SGCE: variants seen among roughly 807,000 people sequenced by gnomAD.
The protein encoded by SGCE is epsilon-sarcoglycan.
Under a neutral mutation model 57.8 loss-of-function variants are expected in SGCE, and 26 were observed. The ratio of observed to expected loss-of-function variants is 0.45; its 90% CI spans 0.33 to 0.62. The LOEUF is 0.62. SGCE is among the 20% of genes least tolerant of loss of function. The pLI is 0.02. For missense variants in SGCE, 468 were observed against 548.6 expected (o/e 0.85, Z 1.47); for synonymous variants, 183 against 189.5 (o/e 0.97, Z 0.28).
Position 94,604,352 on chromosome 7 carries a change from G to A in SGCE, c.663-900C>T, listed in dbSNP as rs139474067. Among the ~76,000 whole-genome samples the A allele has an allele frequency of 2.0e-5, 3 of 151,944 alleles. No homozygotes were observed. In the East Asian group the frequency reaches 5.8e-4, roughly 29 times the overall value. On this transcript the variant is annotated intron_variant, in intron 5 of 10. Coordinates refer to ENST00000648936, the MANE Select transcript of SGCE (RefSeq NM_003919.3). ...CATCAAAATTCTAGCTGCCTTCTTT[G>A]CAGAAGTTGACTAACTGATCCTAAA...
chr7:94,639,266 A>G (rs1041177974), intron 1 of SGCE: 10 of 934,098 alleles, frequency 1.1e-5, no homozygotes, highest in African/African-American at 3.3e-5. Flanking sequence ...CATGACTAAA[A>G]AAGGGAAGAG....
chr7:94,614,299 A>G (rs1000388964), intron 5 of SGCE, among the ~76,000 whole-genome samples: 8 of 152,088 alleles, frequency 5.3e-5, no homozygotes, highest in South Asian at 2.1e-4. Context: ...TGGGTCCCCT[A>G]AAATCCCAGC....
chr7:94,652,381 T>G (rs1017712761), intron 1 of SGCE, among the ~76,000 whole-genome samples: 5 of 152,148 alleles, frequency 3.3e-5, no homozygotes, highest in African/African-American at 1.2e-4. Context: ...GGCTGGGTAT[T>G]TTGGAGAAAA....
chr7:94,628,236 G>T lies in SGCE; in HGVS notation c.356C>A (p.Thr119Lys), dbSNP rs766764222. 1.2e-6 allele frequency: 2 copies of T among 1,611,774 alleles called. No homozygotes were observed. The highest frequency in any genetic ancestry group is 1.1e-5 in the South Asian group (1 of 90,968). ...TGTTGGCTTCCCCACATTTTCAGCTGTTGGGGACCCATATAGGACTCCATC... is the reference window on the plus strand; with the variant it reads ...TGTTGGCTTCCCCACATTTTCAGCTTTTGGGGACCCATATAGGACTCCATC... ...YSDGVLYGSP[T>K]AENVGKPTII... is the part of the protein sequence containing the mutation. Residue 119 changes from threonine to lysine, a missense_variant, in exon 3 of 11, where the codon ACA becomes AAA. Thr to Lys is a moderately conservative substitution (Grantham distance 78). Transcript: ENST00000648936.
At chr7:94,599,536 C>A in intron 8 of SGCE, 161 bp downstream of exon 8, 1 of 639,402 alleles carries the variant, frequency 1.6e-6, no homozygotes, top group East Asian at 2.7e-5. Context: ...AGTTTCTACC[C>A]CTCCTAAATA....
chr7:94,645,483 T>C (rs1427307372), intron 1 of SGCE, among the ~76,000 whole-genome samples: 4 of 151,948 alleles, frequency 2.6e-5, no homozygotes, highest in Non-Finnish European at 4.4e-5. Context: ...CTGAAAGGAG[T>C]TGGGAAAAGA....
chr7:94,604,346 T>G (rs1436667253), intron 5 of SGCE, among the ~76,000 whole-genome samples: 1 of 152,010 alleles, frequency 6.6e-6, no homozygotes, highest in African/African-American at 2.4e-5. Flanking sequence ...TCTAGCTGCC[T>G]TCTTTGCAGA....
At chr7:94,594,959 C>T (rs1798184349) in intron 9 of SGCE, among the ~76,000 whole-genome samples, 2 of 152,206 alleles carry the variant, frequency 1.3e-5, no homozygotes, top group South Asian at 4.2e-4. Context: ...CTTCCCTGTC[C>T]ACTGCCTCTT....
At chr7:94,594,812 C>G (rs1048302015) in intron 9 of SGCE, among the ~76,000 whole-genome samples, 8 of 152,082 alleles carry the variant, frequency 5.3e-5, no homozygotes, top group South Asian at 2.1e-4. Context: ...ATTAAGTTGG[C>G]CTTACATTTC....
chr7:94,649,162 A>C (rs1201935496), intron 1 of SGCE, among the ~76,000 whole-genome samples: 1 of 152,252 alleles, frequency 6.6e-6, no homozygotes, highest in Non-Finnish European at 1.5e-5. Flanking sequence ...ACAAAGTGAA[A>C]TGTGCTAAAC....
intron 5 of SGCE, among the ~76,000 whole-genome samples, chr7:94,616,582 T>C (rs907341186): frequency 2.6e-5 from 4 of 152,154 alleles, no homozygotes; most frequent in African/African-American, 9.7e-5. Flanking sequence ...AGAAAGCATA[T>C]TAAGTGAATT....
chr7:94,636,546 G>A (rs1805612269), intron 1 of SGCE, among the ~76,000 whole-genome samples: 1 of 152,174 alleles, frequency 6.6e-6, no homozygotes. Flanking sequence ...AAGGAAGAGT[G>A]GGTGTGTCAA....
chr7:94,637,412 C>A (rs1584736734), intron 1 of SGCE, among the ~76,000 whole-genome samples: 1 of 152,098 alleles, frequency 6.6e-6, no homozygotes, highest in Admixed American at 6.5e-5. Flanking sequence ...TCAAGCTAAA[C>A]TGAAGAAATA....
At chr7:94,623,556 C>A in intron 3 of SGCE, 159 bp from the exon 4 acceptor site, 1 of 606,554 alleles carries the variant, frequency 1.6e-6, no homozygotes. Flanking sequence ...GAACTCAGAG[C>A]TTTTAGCAAT....
At position 94,614,883 on chromosome 7, in the gene SGCE, A is replaced by G. The variant is rs182577409; in HGVS notation, c.662+3875T>C. Among the ~76,000 whole-genome samples the G allele has an allele frequency of 7.2e-5, 11 of 152,356 alleles. No homozygotes were observed. The East Asian group carries it at 1.7e-3, about 24-fold the overall frequency. Reference sequence around the variant, plus strand: ...ACATTAAACTATGAAAGAAAAAATGATAGAACTCAGAAGAGTAGATATTAA... The same window carrying G: ...ACATTAAACTATGAAAGAAAAAATGGTAGAACTCAGAAGAGTAGATATTAA... On this transcript the variant is annotated intron_variant, in intron 5 of 10. Coordinates refer to ENST00000648936, the MANE Select transcript of SGCE (RefSeq NM_003919.3).
In SGCE at chr7:94,599,715, C is replaced by T. The variant is rs1798921521; in HGVS notation, c.1046G>A (p.Arg349Lys). Residue 349 changes from arginine (R) to lysine (K), a missense_variant, in exon 8 of 11, where the codon AGA becomes AAA. Coordinates refer to ENST00000648936, the MANE Select transcript of SGCE (RefSeq NM_003919.3). Reference protein sequence around the residue: ...MCCRREGVEKRNMQTPDIQLV... With the variant: ...MCCRREGVEKKNMQTPDIQLV... ...CACTTACTCTGGTGTTTGCATGTTT[C>T]TCTTTTCCCTAGAAACAAAACAAAA... 1 of 1,608,060 alleles carries T rather than the reference C, an allele frequency of 6.2e-7. No individual in the cohort carries two copies. Among genetic ancestry groups the T allele is most frequent in the South Asian group, 1.1e-5 (1 of 90,960 alleles).
intron 10 of SGCE, chr7:94,587,605 GTTCC>G (rs1797074927): frequency 7.2e-7 from 1 of 1,381,580 alleles, no homozygotes; most frequent in Non-Finnish European, 9.3e-7. Context: ...AACAAAGTTT[GTTCC>G]TTCATCAATC....
At chr7:94,633,985 A>G (rs147103554) in intron 1 of SGCE, among the ~76,000 whole-genome samples, 178 of 152,274 alleles carry the variant, frequency 1.2e-3, no homozygotes, top group African/African-American at 4.1e-3. Context: ...TAAAATAACA[A>G]CTGAGTATAA....
At chr7:94,603,718 C>T (rs1174751668) in intron 5 of SGCE, among the ~76,000 whole-genome samples, 2 of 152,012 alleles carry the variant, frequency 1.3e-5, no homozygotes, top group African/African-American at 4.8e-5. Flanking sequence ...TATTTCATCC[C>T]ATTTATTTTC....
Sources: gnomAD v4.1 joint callset for allele counts (sites outside exome capture counted in the v4.1 genomes callset) on GRCh38, gnomAD v4.1.1 for gene constraint, MANE v1.5 for transcripts, NCBI Gene and HGNC (gene_info 2026-07-23, HGNC 2026-07-21) for gene names.